The following PTPRD variants were observed in gnomAD, a reference collection of about 807,000 sequenced individuals.
PTPRD encodes the protein protein tyrosine phosphatase receptor type D.
PTPRD carries 34 observed loss-of-function variants against 214.5 expected under a neutral mutation model. The ratio of observed to expected loss-of-function variants is 0.16; its 90% CI spans 0.12 to 0.21. The LOEUF (loss-of-function observed/expected upper bound fraction) is 0.21. Among genes scored for constraint, PTPRD ranks in the 10% least tolerant of loss-of-function variants. The probability of loss-of-function intolerance (pLI) is 1.00; values close to 1 mark genes in which losing one functional copy is unlikely to be tolerated. For synonymous variants in PTPRD, 1,128 were observed against 845.7 expected (o/e 1.33, Z -5.79); for missense variants, 2,545 against 2,398.7 (o/e 1.06, Z -1.27).
At chr9:8,925,051 A>G (rs1567032038) in intron 11 of PTPRD, among the ~76,000 whole-genome samples, 2 of 152,146 alleles carry the variant, frequency 1.3e-5, no homozygotes, top group Admixed American at 1.3e-4. Context: ...AAACTAGAGC[A>G]ATTCTTCCTG....
intron 3 of PTPRD, among the ~76,000 whole-genome samples, chr9:10,061,979 C>T (rs1370774612): frequency 6.6e-6 from 1 of 151,988 alleles, no homozygotes; most frequent in Non-Finnish European, 1.5e-5. Context: ...TGATCTAAGC[C>T]TTAACAAGCC....
intron 11 of PTPRD, among the ~76,000 whole-genome samples, chr9:8,956,506 T>C (rs2099132461): frequency 6.6e-6 from 1 of 151,798 alleles, no homozygotes; most frequent in Non-Finnish European, 1.5e-5. Context: ...ATCCTTTGAG[T>C]GAGAAAATGT....
chr9:8,937,326 G>A (rs1009752855), intron 11 of PTPRD, among the ~76,000 whole-genome samples: 12 of 152,202 alleles, frequency 7.9e-5, no homozygotes, highest in African/African-American at 2.6e-4. Context: ...TTTCACATCA[G>A]TTCACATCAG....
At chr9:9,851,696 C>T (rs1217869805) in intron 5 of PTPRD, among the ~76,000 whole-genome samples, 1 of 152,190 alleles carries the variant, frequency 6.6e-6, no homozygotes, top group Non-Finnish European at 1.5e-5. Flanking sequence ...AGAAGGATCA[C>T]TTGAACGCAG....
chr9:8,907,504 T>G (rs2098715893), intron 11 of PTPRD, among the ~76,000 whole-genome samples: 1 of 109,844 alleles, frequency 9.1e-6, no homozygotes, highest in Non-Finnish European at 1.7e-5. Flanking sequence ...GGTAACAGAG[T>G]GAGACTCCGT....
chr9:9,859,053 G>A (rs1366657264), intron 5 of PTPRD, among the ~76,000 whole-genome samples: 1 of 152,134 alleles, frequency 6.6e-6, no homozygotes, highest in African/African-American at 2.4e-5. Flanking sequence ...TTTTCCTCAT[G>A]CTGTTCTCGT....
chr9:9,713,263 A>G (rs1564704663), intron 7 of PTPRD, among the ~76,000 whole-genome samples: 1 of 152,176 alleles, frequency 6.6e-6, no homozygotes, highest in African/African-American at 2.4e-5. Flanking sequence ...TTCTCCTTCT[A>G]TATTGTTGAA....
chr9:9,946,275 A>G (rs144616428), intron 4 of PTPRD, among the ~76,000 whole-genome samples: 78 of 152,288 alleles, frequency 5.1e-4, no homozygotes, highest in African/African-American at 1.7e-3. Flanking sequence ...GTGGTACTCA[A>G]TACTTGCTTA....
At chr9:8,366,435 G>A (rs74584869) in intron 39 of PTPRD, among the ~76,000 whole-genome samples, 2 of 152,048 alleles carry the variant, frequency 1.3e-5, no homozygotes, top group Admixed American at 1.3e-4. Flanking sequence ...GAGATGGGAA[G>A]AGACAGAAAA....
At chr9:9,291,816 G>A (rs1951237927) in intron 9 of PTPRD, among the ~76,000 whole-genome samples, 2 of 149,420 alleles carry the variant, frequency 1.3e-5, no homozygotes, top group South Asian at 2.1e-4. Context: ...TTTTCTACAG[G>A]AAAAATCTTA....
At chr9:10,197,001 G>T (rs2099400986) in intron 3 of PTPRD, among the ~76,000 whole-genome samples, 1 of 152,128 alleles carries the variant, frequency 6.6e-6, no homozygotes, top group Non-Finnish European at 1.5e-5. Context: ...GCTGATCTCA[G>T]ATTTTCAGGC....
intron 3 of PTPRD, among the ~76,000 whole-genome samples, chr9:10,078,390 C>G (rs906721739): frequency 2.0e-5 from 3 of 150,748 alleles, no homozygotes; most frequent in Admixed American, 6.6e-5. Flanking sequence ...GTGGTGTGCC[C>G]CTATAATCCC....
At chr9:8,976,285 C>T (rs759228069) in intron 11 of PTPRD, among the ~76,000 whole-genome samples, 40 of 151,992 alleles carry the variant, frequency 2.6e-4, no homozygotes, top group Non-Finnish European at 5.0e-4. Context: ...GTGTTTTGCA[C>T]ATAGTTATTA....
At chr9:9,720,346 C>T (rs1247097317) in intron 7 of PTPRD, among the ~76,000 whole-genome samples, 2 of 152,188 alleles carry the variant, frequency 1.3e-5, no homozygotes, top group Admixed American at 1.3e-4. Flanking sequence ...AAGAGCCCTA[C>T]AACTGAATCT....
intron 3 of PTPRD, among the ~76,000 whole-genome samples, chr9:10,147,016 T>C (rs2099027600): frequency 6.6e-6 from 1 of 152,140 alleles, no homozygotes; most frequent in Non-Finnish European, 1.5e-5. Context: ...GCACAGCCGA[T>C]GGAATATTCT....
At chr9:9,209,601 C>CA (rs2099947224) in intron 9 of PTPRD, among the ~76,000 whole-genome samples, 1 of 152,116 alleles carries the variant, frequency 6.6e-6, no homozygotes, top group Admixed American at 6.5e-5. Flanking sequence ...GAATTTGCTT[C>CA]AAAATACTAC....
intron 5 of PTPRD, among the ~76,000 whole-genome samples, chr9:9,931,966 C>T (rs1044457239): frequency 5.3e-5 from 8 of 151,956 alleles, no homozygotes; most frequent in Admixed American, 3.9e-4. Context: ...AGCAGGGGCA[C>T]ACTGACACCT....
chr9:9,512,488 G>A (rs1461079219), intron 8 of PTPRD, among the ~76,000 whole-genome samples: 1 of 151,768 alleles, frequency 6.6e-6, no homozygotes, highest in Non-Finnish European at 1.5e-5. Context: ...GACACTATTT[G>A]TTTTAGCTTA....
chr9:10,250,753 C>CA (rs2092691057), intron 3 of PTPRD, among the ~76,000 whole-genome samples: 1 of 151,658 alleles, frequency 6.6e-6, no homozygotes, highest in Non-Finnish European at 1.5e-5. Flanking sequence ...CACAAAGGTT[C>CA]AGGGAAGAAA....
Sources: gnomAD v4.1 joint callset for allele counts (sites outside exome capture counted in the v4.1 genomes callset) on GRCh38, gnomAD v4.1.1 for gene constraint, MANE v1.5 for transcripts, NCBI Gene and HGNC (gene_info 2026-07-23, HGNC 2026-07-21) for gene names.